CDH1: variants seen among roughly 807,000 people sequenced by gnomAD.
CDH1 encodes the protein cadherin 1, also known as cadherin-1.
A neutral mutation model predicts 84.5 loss-of-function variants in CDH1; 35 were observed. That is an observed-to-expected ratio of 0.41 (90% CI 0.32 to 0.55). CDH1 has a LOEUF of 0.55. Among genes scored for constraint, CDH1 ranks in the 20% least tolerant of loss-of-function variants. The pLI, the probability that CDH1 is intolerant of heterozygous loss-of-function variation, is 0.19. For synonymous variants in CDH1, 417 were observed against 439.0 expected, an observed-to-expected ratio of 0.95 and a Z score of 0.63; for missense variants, 994 against 1,126.6, an observed-to-expected ratio of 0.88 and a Z score of 1.68.
chr16:68,823,364 C>T (rs2152139177), intron 12 of CDH1, 35 bp from the exon 13 acceptor site: 1 of 1,438,548 alleles, frequency 7.0e-7, no homozygotes, highest in Non-Finnish European at 9.8e-7. Context: ...TTTTCCTCCC[C>T]TGGTCTCATC....
chr16:68,755,707 C>T (rs560853791), intron 2 of CDH1, among the ~76,000 whole-genome samples: 3 of 152,144 alleles, frequency 2.0e-5, no homozygotes, highest in Non-Finnish European at 4.4e-5. Flanking sequence ...AAGCCACTCC[C>T]CACCCCTCAG....
chr16:68,822,749 G>T, intron 12 of CDH1: 1 of 266,506 alleles, frequency 3.8e-6, no homozygotes, highest in South Asian at 4.4e-5. Flanking sequence ...CCACAAATTG[G>T]CCAAGGAGAA....
chr16:68,766,136 G>A (rs1331180021), intron 2 of CDH1, among the ~76,000 whole-genome samples: 1 of 152,134 alleles, frequency 6.6e-6, no homozygotes, highest in African/African-American at 2.4e-5. Flanking sequence ...GTGCGCGCCT[G>A]TAGTCCCAGC....
intron 1 of CDH1, 27 bp downstream of exon 1, chr16:68,737,490 G>C: frequency 6.6e-7 from 1 of 1,526,564 alleles, no homozygotes; most frequent in Non-Finnish European, 8.7e-7. Flanking sequence ...GACTTGCGAG[G>C]GACGCATTCG....
chr16:68,798,857 T>C (rs571873191), intron 2 of CDH1, among the ~76,000 whole-genome samples: 3 of 152,342 alleles, frequency 2.0e-5, no homozygotes, highest in African/African-American at 7.2e-5. Flanking sequence ...AAAAGGATGG[T>C]ATCTGCCCAT....
intron 15 of CDH1, among the ~76,000 whole-genome samples, chr16:68,832,035 A>C (rs1180078826): frequency 1.3e-5 from 2 of 152,182 alleles, no homozygotes; most frequent in African/African-American, 4.8e-5. Flanking sequence ...ATGCAGGAAC[A>C]GAAAACCAAA....
At chr16:68,804,559 T>C (rs904434324) in intron 3 of CDH1, among the ~76,000 whole-genome samples, 1 of 152,126 alleles carries the variant, frequency 6.6e-6, no homozygotes, top group Non-Finnish European at 1.5e-5. Context: ...CTGGAATGTA[T>C]ATTCCAGAAT....
At chr16:68,775,166 A>G (rs1394041034) in intron 2 of CDH1, among the ~76,000 whole-genome samples, 1 of 151,776 alleles carries the variant, frequency 6.6e-6, no homozygotes, top group Non-Finnish European at 1.5e-5. Flanking sequence ...CTCATTTTAC[A>G]ATTAACATTG....
At chr16:68,768,266 AG>A (rs1959447421) in intron 2 of CDH1, among the ~76,000 whole-genome samples, 1 of 152,212 alleles carries the variant, frequency 6.6e-6, no homozygotes, top group African/African-American at 2.4e-5. Flanking sequence ...TTAAGAAAAA[AG>A]ATGAGTATAG....
chr16:68,779,962 C>T (rs530890013), intron 2 of CDH1, among the ~76,000 whole-genome samples: 1 of 152,280 alleles, frequency 6.6e-6, no homozygotes, highest in Non-Finnish European at 1.5e-5. Flanking sequence ...AACTCCAAGA[C>T]ACTCCTTACT....
At position 68,833,533 on chromosome 16, in the gene CDH1, G is replaced by A. The variant is rs2152144334; in HGVS notation, c.*34G>A. The A allele has an allele frequency of 6.5e-7, 1 of 1,530,874 alleles. No individual in the cohort carries two copies. Among genetic ancestry groups the A allele is most frequent in the East Asian group, 2.2e-5 (1 of 44,528 alleles). 94.8% of individuals were successfully genotyped at this position (1,530,874 alleles called of 1,614,324 possible). On this transcript the variant is annotated 3_prime_UTR_variant, in exon 16 of 16. Coordinates refer to ENST00000261769, the MANE Select transcript of CDH1 (RefSeq NM_004360.5). The stretch of plus-strand genomic sequence containing the variant: ...AGAGAGGCGGGCCCCAGACCCATGT[G>A]CTGGGAAATGCAGAAATCACGTTGC...
At chr16:68,806,120 GTATATTTATTTA>G (rs748426679) in intron 3 of CDH1, among the ~76,000 whole-genome samples, 26 of 123,964 alleles carry the variant, frequency 2.1e-4, no homozygotes, top group South Asian at 2.0e-3. Flanking sequence ...GCTAATTTTT[GTATATTTATTTA>G]TTTATTTATT....
At position 68,738,324 on chromosome 16, in the gene CDH1, G is replaced by T. The variant is rs786201058; in HGVS notation, c.76G>T (p.Glu26Ter). ...CTCCTCTTGGCTCTGCCAGGAGCCGGAGCCCTGCCACCCTGGCTTTGACGC... is the reference window on the plus strand; with the variant it reads ...CTCCTCTTGGCTCTGCCAGGAGCCGTAGCCCTGCCACCCTGGCTTTGACGC... ...QVSSWLCQEP[E>*]PCHPGFDAES... The change falls in exon 2 of 16, where the codon GAG (glutamate) becomes TAG (stop). Residue 26 changes from glutamate (E) to a stop codon, truncating the protein, a stop_gained. Coordinates refer to ENST00000261769, the MANE Select transcript of CDH1 (RefSeq NM_004360.5). LOFTEE classifies it high-confidence loss of function. 6.4e-7 allele frequency: 1 copy of T among 1,551,278 alleles called. No homozygotes were observed.
At position 68,811,696 on chromosome 16, in the gene CDH1, T is replaced by C. The variant is rs730881652; in HGVS notation, c.845T>C (p.Met282Thr). The C allele has an allele frequency of 5.6e-6, 9 of 1,613,890 alleles. No individual in the cohort carries two copies. The highest frequency in any genetic ancestry group is 7.6e-6 in the Non-Finnish European group (9 of 1,179,982). Reference sequence around the variant, plus strand: ...TGAACTCTTCCAGGAACCTCTGTGATGGAGGTCACAGCCACAGACGCGGAC... The same window carrying C: ...TGAACTCTTCCAGGAACCTCTGTGACGGAGGTCACAGCCACAGACGCGGAC... ...MEGALPGTSV[M>T]EVTATDADDD... The change falls in exon 7 of 16, where the codon ATG becomes ACG. Residue 282 changes from methionine (M) to threonine (T), a missense_variant. Transcript: ENST00000261769.
chr16:68,747,990 C>T (rs950315608), intron 2 of CDH1, among the ~76,000 whole-genome samples: 1 of 152,030 alleles, frequency 6.6e-6, no homozygotes, highest in Admixed American at 6.6e-5. Flanking sequence ...TCTCAAACTC[C>T]TGGGCTCAAG....
At chr16:68,793,051 C>T (rs904170952) in intron 2 of CDH1, among the ~76,000 whole-genome samples, 1 of 152,122 alleles carries the variant, frequency 6.6e-6, no homozygotes, top group Admixed American at 6.6e-5. Context: ...CCATGGGGGT[C>T]GCCTGTCAAC....
At position 68,823,587 on chromosome 16, in the gene CDH1, G is replaced by T. The variant is rs138101372; in HGVS notation, c.2125G>T (p.Ala709Ser). Reference sequence around the variant, plus strand: ...TGTCGAAGCAGGATTGCAAATTCCTGCCATTCTGGGGATTCTTGGAGGAAT... The same window carrying T: ...TGTCGAAGCAGGATTGCAAATTCCTTCCATTCTGGGGATTCTTGGAGGAAT... ...QPVEAGLQIP[A>S]ILGILGGILA... is the part of the protein sequence containing the mutation. Residue 709 changes from alanine to serine, a missense_variant, in exon 13 of 16, where the codon GCC becomes TCC. Coordinates refer to ENST00000261769, the MANE Select transcript of CDH1 (RefSeq NM_004360.5). 1.2e-6 allele frequency: 2 copies of T among 1,613,598 alleles called. No individual in the cohort carries two copies. Among genetic ancestry groups the T allele is most frequent in the Non-Finnish European group, 1.7e-6 (2 of 1,180,004 alleles).
chr16:68,781,891 T>G (rs2152122104), intron 2 of CDH1, among the ~76,000 whole-genome samples: 1 of 152,250 alleles, frequency 6.6e-6, no homozygotes, highest in South Asian at 2.1e-4. Context: ...ATGCCTTCCT[T>G]GATGCCCTTC....
intron 2 of CDH1, among the ~76,000 whole-genome samples, chr16:68,757,133 G>T (rs758232724): frequency 2.0e-5 from 3 of 152,162 alleles, no homozygotes; most frequent in Non-Finnish European, 4.4e-5. Flanking sequence ...CTGTCACCCA[G>T]GCTGGAGCGC....
Sources: allele counts gnomAD v4.1 joint callset (sites outside exome capture counted in the v4.1 genomes callset), GRCh38; gene constraint gnomAD v4.1.1; transcripts MANE v1.5; gene names NCBI Gene and HGNC (gene_info 2026-07-23, HGNC 2026-07-21).